Variants in PTPRD observed in about 807,000 individuals in gnomAD.
PTPRD encodes the protein protein tyrosine phosphatase receptor type D.
PTPRD carries 34 observed loss-of-function variants against 214.5 expected under a neutral mutation model. The observed-to-expected ratio is 0.16, with a 90% CI of 0.12 to 0.21. The LOEUF (loss-of-function observed/expected upper bound fraction) is 0.21. Among genes scored for constraint, PTPRD ranks in the 10% least tolerant of loss-of-function variants. The pLI is 1.00. For synonymous variants in PTPRD, 1,128 were observed against 845.7 expected (o/e 1.33, Z -5.79); for missense variants, 2,545 against 2,398.7 (o/e 1.06, Z -1.27).
At chr9:9,100,536 G>T (rs552161474) in intron 10 of PTPRD, among the ~76,000 whole-genome samples, 3 of 152,080 alleles carry the variant, frequency 2.0e-5, no homozygotes, top group Non-Finnish European at 4.4e-5. Flanking sequence ...GTATGATCAG[G>T]TAGACAGAAC....
At chr9:9,562,647 G>C (rs2083282722) in intron 8 of PTPRD, among the ~76,000 whole-genome samples, 1 of 151,818 alleles carries the variant, frequency 6.6e-6, no homozygotes. Context: ...TTTACAATTA[G>C]ACCCCTCTCC....
chr9:9,077,680 G>A (rs2099753262), intron 10 of PTPRD, among the ~76,000 whole-genome samples: 1 of 152,030 alleles, frequency 6.6e-6, no homozygotes, highest in African/African-American at 2.4e-5. Flanking sequence ...AGAGCCTTGT[G>A]AAATATCACT....
chr9:10,511,099 C>G (rs1431041193), intron 2 of PTPRD, among the ~76,000 whole-genome samples: 1 of 151,986 alleles, frequency 6.6e-6, no homozygotes, highest in African/African-American at 2.4e-5. Flanking sequence ...ACAGTGTATC[C>G]TTTTTATCAT....
At position 8,662,568 on chromosome 9, in the gene PTPRD, C is replaced by G. The variant is rs116297661; in HGVS notation, c.65-25724G>C. ...TAGGAAAAATGGAAATTTTCATCCT[C>G]TGGCTTTTCTCCAACCTCCAAACCT... On this transcript the variant is annotated intron_variant, in intron 12 of 45. Transcript: ENST00000381196. Among the ~76,000 whole-genome samples, 655 of 152,282 alleles carry G rather than the reference C, an allele frequency of 4.3e-3. 5 individuals are homozygous for G. The highest frequency in any genetic ancestry group is 0.015 in the African/African-American group (627 of 41,540).
rs560247857 is a variant in PTPRD, at chr9:8,430,486, A to T, written c.4086+6106T>A. Among the ~76,000 whole-genome samples the T allele has an allele frequency of 2.1e-4, 32 of 148,938 alleles. 1 individual carries two copies. The South Asian group carries it at 6.4e-3, about 30-fold the overall frequency. On this transcript the variant is annotated intron_variant, in intron 35 of 45. Transcript: ENST00000381196. ...CAGAGACAGTTTCACCATGTTGCCT[A>T]GGCTGGTCTCAAACTCCTGGACTCA...
chr9:9,442,341 T>G (rs540127037), intron 8 of PTPRD: 1 of 152,382 alleles, frequency 6.6e-6, no homozygotes, highest in Non-Finnish European at 1.5e-5. Flanking sequence ...ATAGCCACAG[T>G]TCCTTTCGCC....
At chr9:10,065,698 A>G (rs1407457354) in intron 3 of PTPRD, among the ~76,000 whole-genome samples, 1 of 151,950 alleles carries the variant, frequency 6.6e-6, no homozygotes, top group Admixed American at 6.6e-5. Context: ...GTTCAGATAG[A>G]AGGACTGCAA....
chr9:9,293,168 T>G (rs1282003885), intron 9 of PTPRD, among the ~76,000 whole-genome samples: 2 of 151,632 alleles, frequency 1.3e-5, no homozygotes, highest in Non-Finnish European at 3.0e-5. Context: ...AGAATTCTTC[T>G]GCATAGGAGA....
At chr9:8,533,896 T>A (rs964961261) in intron 14 of PTPRD, among the ~76,000 whole-genome samples, 1 of 152,026 alleles carries the variant, frequency 6.6e-6, no homozygotes, top group Non-Finnish European at 1.5e-5. Flanking sequence ...CATTCCTCAA[T>A]GCCACTCACT....
At chr9:10,473,253 A>T (rs993500261) in intron 2 of PTPRD, among the ~76,000 whole-genome samples, 11 of 152,098 alleles carry the variant, frequency 7.2e-5, no homozygotes, top group African/African-American at 9.6e-5. Flanking sequence ...GGAGAGGTAG[A>T]TATGACTTAG....
At chr9:9,871,622 G>A (rs1218921998) in intron 5 of PTPRD, among the ~76,000 whole-genome samples, 1 of 150,708 alleles carries the variant, frequency 6.6e-6, no homozygotes, top group African/African-American at 2.5e-5. Flanking sequence ...CAGGGGCAGA[G>A]GGTAAGCAAC....
At chr9:9,522,689 T>C (rs1288745018) in intron 8 of PTPRD, among the ~76,000 whole-genome samples, 1 of 151,990 alleles carries the variant, frequency 6.6e-6, no homozygotes, top group Non-Finnish European at 1.5e-5. Flanking sequence ...AAAGAAAAAA[T>C]AAATTTTTAA....
At chr9:9,228,185 T>G (rs1304999764) in intron 9 of PTPRD, among the ~76,000 whole-genome samples, 1 of 152,134 alleles carries the variant, frequency 6.6e-6, no homozygotes, top group African/African-American at 2.4e-5. Context: ...TTGCTACTCT[T>G]ATAACCCCTG....
At chr9:9,983,268 T>C (rs1222767573) in intron 4 of PTPRD, among the ~76,000 whole-genome samples, 1 of 152,210 alleles carries the variant, frequency 6.6e-6, no homozygotes, top group Non-Finnish European at 1.5e-5. Context: ...GCCTCCTTGC[T>C]AAGGGGACTT....
At chr9:8,786,758 G>C (rs1237770477) in intron 11 of PTPRD, among the ~76,000 whole-genome samples, 2 of 151,742 alleles carry the variant, frequency 1.3e-5, no homozygotes, top group Admixed American at 1.3e-4. Context: ...GAAAAAAAAG[G>C]TGGGGGGGCG....
chr9:8,607,320 T>C (rs1035676112), intron 14 of PTPRD, among the ~76,000 whole-genome samples: 2 of 152,120 alleles, frequency 1.3e-5, no homozygotes, highest in Admixed American at 6.5e-5. Flanking sequence ...TCTGTAAGCA[T>C]ATAAACAGCA....
intron 8 of PTPRD, among the ~76,000 whole-genome samples, chr9:9,509,472 C>A (rs1393426238): frequency 6.6e-6 from 1 of 151,288 alleles, no homozygotes; most frequent in African/African-American, 2.4e-5. Context: ...ACACACCAGA[C>A]CCCTCACTTG....
intron 3 of PTPRD, among the ~76,000 whole-genome samples, chr9:10,273,815 CA>C (rs2094540435): frequency 6.6e-6 from 1 of 152,104 alleles, no homozygotes; most frequent in Admixed American, 6.5e-5. Flanking sequence ...GGTTAAAACA[CA>C]ATGGCCTTGC....
At chr9:8,852,591 T>C (rs915946408) in intron 11 of PTPRD, among the ~76,000 whole-genome samples, 4 of 152,314 alleles carry the variant, frequency 2.6e-5, no homozygotes, top group South Asian at 4.1e-4. Flanking sequence ...GAACATAAGT[T>C]GTCTCAATAC....
Sources: allele counts gnomAD v4.1 joint callset (sites outside exome capture counted in the v4.1 genomes callset), GRCh38; gene constraint gnomAD v4.1.1; transcripts MANE v1.5; gene names NCBI Gene and HGNC (gene_info 2026-07-23, HGNC 2026-07-21).